KIAA1549: variants seen among roughly 807,000 people sequenced by gnomAD.
The protein encoded by KIAA1549 is UPF0606 protein KIAA1549.
In KIAA1549, 70 loss-of-function variants were observed where a neutral mutation model predicts 156.4. The ratio of observed to expected loss-of-function variants is 0.45; its 90% CI spans 0.37 to 0.55. The LOEUF is 0.55. Ranked by LOEUF, KIAA1549 falls within the 20% of genes least tolerant of loss-of-function variation. KIAA1549 has a pLI of 0.00. For synonymous variants in KIAA1549, 1,103 were observed against 1,066.4 expected, an observed-to-expected ratio of 1.03 and a Z score of -0.67; for missense variants, 2,428 against 2,540.9, an observed-to-expected ratio of 0.96 and a Z score of 0.96.
At chr7:138,944,041 A>G (rs1813271812) in intron 1 of KIAA1549, among the ~76,000 whole-genome samples, 2 of 151,098 alleles carry the variant, frequency 1.3e-5, no homozygotes, top group South Asian at 4.2e-4. Flanking sequence ...TGCTGGGATT[A>G]CAAGCTGGGA....
intron 12 of KIAA1549, among the ~76,000 whole-genome samples, chr7:138,872,246 G>A (rs538734484): frequency 1.3e-5 from 2 of 151,860 alleles, no homozygotes; most frequent in Non-Finnish European, 2.9e-5. Context: ...CGGGCCCGGC[G>A]CTAGTTCCTA....
At chr7:138,846,207 C>G (rs1405155676) in intron 17 of KIAA1549, among the ~76,000 whole-genome samples, 1 of 152,062 alleles carries the variant, frequency 6.6e-6, no homozygotes, top group Non-Finnish European at 1.5e-5. Flanking sequence ...ACTACTCATA[C>G]AATTTGGTGG....
chr7:138,855,305 T>C (rs1057462375), intron 16 of KIAA1549, among the ~76,000 whole-genome samples: 1 of 152,194 alleles, frequency 6.6e-6, no homozygotes, highest in Non-Finnish European at 1.5e-5. Flanking sequence ...TCCAAGGCGT[T>C]GGACCTTCAG....
At chr7:138,910,847 C>G (rs2130465270) in intron 4 of KIAA1549, among the ~76,000 whole-genome samples, 1 of 151,204 alleles carries the variant, frequency 6.6e-6, no homozygotes, top group South Asian at 2.1e-4. Context: ...AGGTGTGAGC[C>G]ACCATACCTG....
chr7:138,974,197 C>T (rs1814305462), intron 1 of KIAA1549, among the ~76,000 whole-genome samples: 2 of 152,128 alleles, frequency 1.3e-5, no homozygotes, highest in South Asian at 2.1e-4. Flanking sequence ...AATGAGATAG[C>T]ACCTCAAACC....
At chr7:138,884,048 G>A (rs1237203889) in intron 10 of KIAA1549, among the ~76,000 whole-genome samples, 2 of 152,296 alleles carry the variant, frequency 1.3e-5, no homozygotes, top group Middle Eastern at 6.8e-3. Flanking sequence ...CTTCAGGGAG[G>A]GAAGAGGGGC....
chr7:138,862,033 T>C (rs1050015882), intron 15 of KIAA1549, among the ~76,000 whole-genome samples: 11 of 152,184 alleles, frequency 7.2e-5, no homozygotes, highest in African/African-American at 2.4e-4. Flanking sequence ...ACATTTCTAC[T>C]GAAAGCCCCT....
chr7:138,855,371 G>A (rs1021897089), intron 16 of KIAA1549, among the ~76,000 whole-genome samples: 1 of 152,224 alleles, frequency 6.6e-6, no homozygotes, highest in Non-Finnish European at 1.5e-5. Context: ...CTGCCATGCT[G>A]TGTTCAGCAT....
intron 4 of KIAA1549, among the ~76,000 whole-genome samples, chr7:138,910,290 C>T (rs1291365367): frequency 6.6e-6 from 1 of 152,090 alleles, no homozygotes; most frequent in East Asian, 1.9e-4. Context: ...GTAATCCCAG[C>T]ACTTTGGGAG....
intron 1 of KIAA1549, among the ~76,000 whole-genome samples, chr7:138,959,546 A>G (rs1230037477): frequency 6.6e-6 from 1 of 152,240 alleles, no homozygotes; most frequent in East Asian, 1.9e-4. Flanking sequence ...GAAAAATGTC[A>G]TCTTTGTTAT....
rs1225062951 is a variant in KIAA1549 at position 138,916,838 on chromosome 7, C to T, written c.2788G>A (p.Glu930Lys). ...SLRPVTAFTL[E>K]ATVDTPTLAT... Reference sequence around the variant, plus strand: ...AGTGTTGGTGTGTCGACTGTTGCTTCGAGAGTGAAGGCAGTCACGGGACGC... The same window carrying T: ...AGTGTTGGTGTGTCGACTGTTGCTTTGAGAGTGAAGGCAGTCACGGGACGC... The change falls in exon 2 of 20, where the codon GAA becomes AAA. Residue 930 changes from glutamate (E) to lysine (K), a missense_variant. Coordinates refer to ENST00000422774, the MANE Select transcript of KIAA1549 (RefSeq NM_001164665.2). The T allele has an allele frequency of 3.7e-6, 6 of 1,613,830 alleles. No homozygotes were observed. Among genetic ancestry groups the T allele is most frequent in the East Asian group, 4.5e-5 (2 of 44,894 alleles).
intron 9 of KIAA1549, among the ~76,000 whole-genome samples, chr7:138,896,759 C>A (rs925487480): frequency 6.0e-5 from 9 of 151,114 alleles, no homozygotes; most frequent in African/African-American, 2.0e-4. Flanking sequence ...CCATGCCCAG[C>A]TAGCTTATTA....
Position 138,837,721 on chromosome 7 carries a change from C to G in KIAA1549, c.*185G>C, listed in dbSNP as rs1809764059. 2 of 630,736 alleles carry G rather than the reference C, an allele frequency of 3.2e-6. No homozygotes were observed. Among genetic ancestry groups the G allele is most frequent in the Non-Finnish European group, 5.4e-6 (2 of 371,964 alleles). 39.1% of individuals were successfully genotyped at this position (630,736 alleles called of 1,614,324 possible). On this transcript the variant is annotated 3_prime_UTR_variant, in exon 20 of 20. Coordinates refer to ENST00000422774, the MANE Select transcript of KIAA1549 (RefSeq NM_001164665.2). ...ACCCAAGTGTTCAGACAATTGCCAG[C>G]CCAGTGAAAGGCTCATGAGCTGTCA...
chr7:138,932,524 C>G (rs571127902), intron 1 of KIAA1549, among the ~76,000 whole-genome samples: 1 of 152,220 alleles, frequency 6.6e-6, no homozygotes, highest in Non-Finnish European at 1.5e-5. Context: ...ACTGAAGAAG[C>G]TATTTAAAAG....
rs73468167 is a variant in KIAA1549, at chr7:138,871,782, G to A, written c.4346-420C>T. On this transcript the variant is annotated intron_variant, in intron 12 of 19. Transcript: ENST00000422774. ...ATTGCTACCATCTGGCAGGGAGCTC[G>A]CTGGAGTGATACAAATTCAGCTGCC... Among the ~76,000 whole-genome samples the A allele has an allele frequency of 5.3e-3, 802 of 152,248 alleles. 7 individuals are homozygous for A. The highest frequency in any genetic ancestry group is 0.019 in the African/African-American group (779 of 41,536).
chr7:138,874,896 G>C (rs187404379), intron 12 of KIAA1549, among the ~76,000 whole-genome samples: 1 of 152,130 alleles, frequency 6.6e-6, no homozygotes, highest in Non-Finnish European at 1.5e-5. Context: ...TCGGGAGGCT[G>C]AGAAGAGATG....
At chr7:138,850,679 T>C (rs1197441533) in intron 17 of KIAA1549, among the ~76,000 whole-genome samples, 1 of 152,200 alleles carries the variant, frequency 6.6e-6, no homozygotes, top group Admixed American at 6.5e-5. Flanking sequence ...CTAGAGCTTT[T>C]GCTGTGCAGA....
intron 1 of KIAA1549, among the ~76,000 whole-genome samples, chr7:138,926,814 AATAT>A (rs920336484): frequency 6.6e-6 from 1 of 151,684 alleles, no homozygotes; most frequent in Non-Finnish European, 1.5e-5. Context: ...ACTATTTATA[AATAT>A]ATATATATGT....
intron 1 of KIAA1549, among the ~76,000 whole-genome samples, chr7:138,952,969 T>A (rs1385070565): frequency 6.6e-6 from 1 of 152,180 alleles, no homozygotes; most frequent in African/African-American, 2.4e-5. Context: ...AAGTGATGGA[T>A]TTACCCGTAA....
Sources: gnomAD v4.1 joint callset for allele counts (sites outside exome capture counted in the v4.1 genomes callset) on GRCh38, gnomAD v4.1.1 for gene constraint, MANE v1.5 for transcripts, NCBI Gene and HGNC (gene_info 2026-07-23, HGNC 2026-07-21) for gene names.